PRKCQ: variants seen among roughly 807,000 people sequenced by gnomAD.
PRKCQ encodes the protein protein kinase C theta type.
In PRKCQ, 41 loss-of-function variants were observed where a neutral mutation model predicts 91.2. The observed-to-expected ratio is 0.45, with a 90% CI of 0.35 to 0.58. PRKCQ has a LOEUF of 0.58. Ranked by LOEUF, PRKCQ falls within the 20% of genes least tolerant of loss-of-function variation. PRKCQ has a pLI of 0.00. For missense variants in PRKCQ, 673 were observed against 896.5 expected (o/e 0.75, Z 3.18); for synonymous variants, 307 against 316.9 (o/e 0.97, Z 0.33).
intron 15 of PRKCQ, among the ~76,000 whole-genome samples, chr10:6,456,471 G>A (rs1835013180): frequency 6.6e-6 from 1 of 152,220 alleles, no homozygotes. Context: ...AAGCCTTGGA[G>A]AGATGTGATT....
chr10:6,399,476 G>A, the PRKCQ span, among the ~76,000 whole-genome samples: 4 of 152,042 alleles, frequency 2.6e-5, no homozygotes, highest in African/African-American at 9.7e-5. Flanking sequence ...GACAGAAATT[G>A]CCCCCTTTTT....
At chr10:6,485,300 A>T (rs901405135) in intron 9 of PRKCQ, 31 bp from the exon 10 acceptor site, 3 of 1,554,168 alleles carry the variant, frequency 1.9e-6, no homozygotes, top group Non-Finnish European at 2.7e-6. Context: ...CAGACCACCC[A>T]CCCACCCACC....
the PRKCQ span, among the ~76,000 whole-genome samples, chr10:6,418,823 A>G: frequency 6.6e-6 from 1 of 152,116 alleles, no homozygotes; most frequent in Non-Finnish European, 1.5e-5. Flanking sequence ...TCAATCTATC[A>G]TCCATCTATC....
intron 1 of PRKCQ, among the ~76,000 whole-genome samples, chr10:6,570,599 G>C (rs1014671033): frequency 5.3e-5 from 8 of 150,460 alleles, no homozygotes; most frequent in Admixed American, 1.3e-4. Flanking sequence ...CTGTCACCCA[G>C]GCTGGAGTGC....
chr10:6,473,596 G>C (rs1836109466), intron 12 of PRKCQ, among the ~76,000 whole-genome samples: 3 of 152,218 alleles, frequency 2.0e-5, no homozygotes, highest in Non-Finnish European at 2.9e-5. Flanking sequence ...AGCATGAAAA[G>C]TTAATTCTTG....
At chr10:6,430,000 G>A (rs1833330731) in intron 17 of PRKCQ, among the ~76,000 whole-genome samples, 1 of 152,106 alleles carries the variant, frequency 6.6e-6, no homozygotes, top group African/African-American at 2.4e-5. Flanking sequence ...GATTATAGGC[G>A]CCCGCAACCA....
intron 11 of PRKCQ, among the ~76,000 whole-genome samples, chr10:6,479,767 TAAAAAA>T (rs34610362): frequency 2.6e-5 from 1 of 38,988 alleles, no homozygotes; most frequent in Non-Finnish European, 4.3e-5. Flanking sequence ...CCGTCTCGAC[TAAAAAA>T]AAAAAAAAAA....
chr10:6,417,468 T>C, the PRKCQ span, among the ~76,000 whole-genome samples: 1 of 142,834 alleles, frequency 7.0e-6, no homozygotes, highest in Non-Finnish European at 1.5e-5. Context: ...TTTACTTAGA[T>C]AATCCACATT....
chr10:6,525,329 G>C (rs11259378), intron 1 of PRKCQ, among the ~76,000 whole-genome samples: 1 of 152,124 alleles, frequency 6.6e-6, no homozygotes, highest in Non-Finnish European at 1.5e-5. Flanking sequence ...TGTAATCCCA[G>C]AATTTTGGGA....
At chr10:6,415,887 A>T in the PRKCQ span, among the ~76,000 whole-genome samples, 2 of 151,888 alleles carry the variant, frequency 1.3e-5, no homozygotes, top group East Asian at 3.9e-4. Flanking sequence ...CTGGGATTAC[A>T]GGTGTCCTCC....
At position 6,541,526 on chromosome 10, in the gene PRKCQ, C is replaced by T. The variant is rs545264128; in HGVS notation, c.-9-26382G>A. ...CTAGGTGCCCACTAGGTACTTTTCA[C>T]GTTTCTAATAGGAGTGTTATGAGCC... On this transcript the variant is annotated intron_variant, in intron 1 of 17. Transcript: ENST00000263125. Among the ~76,000 whole-genome samples the T allele has an allele frequency of 3.9e-5, 6 of 152,224 alleles. No homozygotes were observed. The South Asian group carries it at 1.2e-3, about 32-fold the overall frequency.
chr10:6,538,637 A>G (rs1229275850), intron 1 of PRKCQ, among the ~76,000 whole-genome samples: 1 of 152,202 alleles, frequency 6.6e-6, no homozygotes, highest in Non-Finnish European at 1.5e-5. Context: ...CACCAAAGTG[A>G]CATAAGTCTG....
intron 1 of PRKCQ, among the ~76,000 whole-genome samples, chr10:6,536,145 C>A (rs1839575272): frequency 6.6e-6 from 1 of 152,166 alleles, no homozygotes; most frequent in Admixed American, 6.5e-5. Flanking sequence ...AACATGATCA[C>A]CTGTGAGGGC....
chr10:6,535,885 G>A (rs971154575), intron 1 of PRKCQ, among the ~76,000 whole-genome samples: 2 of 152,160 alleles, frequency 1.3e-5, no homozygotes, highest in African/African-American at 4.8e-5. Flanking sequence ...CTGTGGATTT[G>A]CCATCGATCT....
At position 6,482,129 on chromosome 10, in the gene PRKCQ, C is replaced by T. The variant is rs1836636598; in HGVS notation, c.1179+1311G>A. Among the ~76,000 whole-genome samples, 3 of 151,940 alleles carry T rather than the reference C, an allele frequency of 2.0e-5. No individual in the cohort carries two copies. In the South Asian group the frequency reaches 6.3e-4, roughly 32 times the overall value. On this transcript the variant is annotated intron_variant, in intron 11 of 17. Transcript: ENST00000263125. ...AGGGACTTTCTCCACAATTTTTTTCCAGGACTCTCAAGCTACAGTTTTCTT... is the reference window on the plus strand; with the variant it reads ...AGGGACTTTCTCCACAATTTTTTTCTAGGACTCTCAAGCTACAGTTTTCTT...
intron 4 of PRKCQ, 118 bp from the exon 5 acceptor site, chr10:6,498,676 C>T (rs1837749796): frequency 5.4e-6 from 5 of 917,598 alleles, no homozygotes; most frequent in African/African-American, 1.7e-5. Context: ...CTCTGAGTAC[C>T]TGCTGTAACA....
At chr10:6,448,810 C>T (rs1588673171) in intron 15 of PRKCQ, among the ~76,000 whole-genome samples, 1 of 152,156 alleles carries the variant, frequency 6.6e-6, no homozygotes. Context: ...GCTGCTGATA[C>T]CCAGGCAAAC....
At chr10:6,523,157 T>C (rs1588380468) in intron 1 of PRKCQ, among the ~76,000 whole-genome samples, 1 of 152,138 alleles carries the variant, frequency 6.6e-6, no homozygotes, top group Admixed American at 6.5e-5. Context: ...TGAATTAAAA[T>C]AGTAAGTATG....
intron 1 of PRKCQ, among the ~76,000 whole-genome samples, chr10:6,578,276 T>A (rs1841318742): frequency 6.6e-6 from 1 of 152,210 alleles, no homozygotes; most frequent in South Asian, 2.1e-4. Flanking sequence ...AGGACATGTC[T>A]GTAGGAGAAC....
Sources: allele counts gnomAD v4.1 joint callset (sites outside exome capture counted in the v4.1 genomes callset), GRCh38; gene constraint gnomAD v4.1.1; transcripts MANE v1.5; gene names NCBI Gene and HGNC (gene_info 2026-07-23, HGNC 2026-07-21).